The following SEMA4G variants were observed in gnomAD, a reference collection of about 807,000 sequenced individuals.
The protein encoded by SEMA4G is semaphorin-4G.
SEMA4G carries 59 observed loss-of-function variants against 81.2 expected under a neutral mutation model. The observed-to-expected ratio is 0.73, with a 90% CI of 0.59 to 0.90. The LOEUF is 0.90. SEMA4G is among the 40% of genes least tolerant of loss of function. The pLI is 0.00. For missense variants in SEMA4G, 952 were observed against 1,102.3 expected (o/e 0.86, Z 1.93); for synonymous variants, 404 against 433.9 (o/e 0.93, Z 0.86).
chr10:100,979,628 G>A (rs1453809998), intron 8 of SEMA4G, among the ~76,000 whole-genome samples: 3 of 152,056 alleles, frequency 2.0e-5, no homozygotes, highest in Non-Finnish European at 2.9e-5. Flanking sequence ...TGATCTGCTC[G>A]CCTCGGCCTC....
At chr10:100,976,620 G>A (rs1413533107) in intron 3 of SEMA4G, among the ~76,000 whole-genome samples, 2 of 152,166 alleles carry the variant, frequency 1.3e-5, no homozygotes, top group African/African-American at 4.8e-5. Context: ...CACCACACCT[G>A]GCTAGGTTTA....
exon 5 of SEMA4G, chr10:100,978,326 T>A (rs774709885): frequency 8.7e-6 from 14 of 1,613,556 alleles, no homozygotes; most frequent in Non-Finnish European, 1.0e-5. Context: ...CCAACCAGCT[T>A]CGAGGAGGGG....
chr10:100,979,228 A>G (rs767392247), exon 8 of SEMA4G: 1 of 1,614,198 alleles, frequency 6.2e-7, no homozygotes, highest in Non-Finnish European at 8.5e-7. Context: ...TGAAACCTCA[A>G]GCCGTACACA....
exon 5 of SEMA4G, chr10:100,978,355 G>A (rs1198014436): frequency 1.2e-6 from 2 of 1,613,478 alleles, no homozygotes; most frequent in Admixed American, 3.3e-5. Context: ...GTGTCCTTAT[G>A]ACCCAGCCCG....
At position 100,978,826 on chromosome 10, in the gene SEMA4G, C is replaced by T. The variant is rs755243554; in HGVS notation, c.644-23C>T. The T allele has an allele frequency of 5.0e-6, 8 of 1,610,306 alleles. No individual in the cohort carries two copies. In the South Asian group the frequency reaches 8.8e-5, roughly 18 times the overall value. ...GGAATCCCCAGCCTGTCTCAAAAGCCTCTCAAACTGCCTGACCCACAGATG... is the reference window on the plus strand; with the variant it reads ...GGAATCCCCAGCCTGTCTCAAAAGCTTCTCAAACTGCCTGACCCACAGATG... On this transcript the variant is annotated intron_variant, in intron 6 of 13. Transcript: ENST00000370250.
Position 100,972,751 on chromosome 10 carries a change from T to G in SEMA4G, c.-162T>G. 17 of 609,066 alleles carry G rather than the reference T, an allele frequency of 2.8e-5. No homozygotes were observed. Among genetic ancestry groups the G allele is most frequent in the East Asian group, 6.1e-5 (2 of 32,954 alleles). 37.7% of individuals were successfully genotyped at this position (609,066 alleles called of 1,614,324 possible). A position where few individuals can be genotyped will look rare whatever the true frequency, so the allele number is the denominator to read the frequency against. ...GTCCCCCCGATTCCAGGACCCCCCATGGCCCCATGATTCCTTGACTCCTAT... is the reference window on the plus strand; with the variant it reads ...GTCCCCCCGATTCCAGGACCCCCCAGGGCCCCATGATTCCTTGACTCCTAT... On this transcript the variant is annotated 5_prime_UTR_variant, in exon 1 of 14. An upstream start codon of the reference 5' UTR is lost. Transcript: ENST00000370250.
intron 4 of SEMA4G, 53 bp downstream of exon 5, chr10:100,977,783 T>C: frequency 6.9e-7 from 1 of 1,440,968 alleles, no homozygotes; most frequent in Non-Finnish European, 9.8e-7. Context: ...AGGGATGGGA[T>C]CATGTTCAAG....
intron 9 of SEMA4G, 22 bp from the exon 11 acceptor site, chr10:100,980,100 C>A: frequency 6.2e-7 from 1 of 1,613,682 alleles, no homozygotes; most frequent in Non-Finnish European, 8.5e-7. Flanking sequence ...CCGAGGTTCA[C>A]CACCTTCGTC....
chr10:100,978,352 T>C (rs1326652882), exon 5 of SEMA4G: 2 of 1,613,552 alleles, frequency 1.2e-6, no homozygotes, highest in Non-Finnish European at 1.7e-6. Flanking sequence ...GAAGTGTCCT[T>C]ATGACCCAGC....
chr10:100,984,537 T>C, exon 14 of SEMA4G: 2 of 1,536,188 alleles, frequency 1.3e-6, no homozygotes, highest in African/African-American at 1.4e-5. Context: ...ACCCTCTGCA[T>C]GGCCCTGTGT....
exon 6 of SEMA4G, chr10:100,978,541 A>G (rs202220509): frequency 3.7e-6 from 6 of 1,614,016 alleles, no homozygotes; most frequent in African/African-American, 1.3e-5. Flanking sequence ...AGGCCTCTAC[A>G]CAGCCACTAG....
rs541997052 is a variant in SEMA4G, at chr10:100,975,332, C to T, written c.336+1723C>T. Among the ~76,000 whole-genome samples the T allele has an allele frequency of 2.0e-5, 3 of 152,304 alleles. No individual in the cohort carries two copies. The South Asian group carries it at 6.2e-4, about 32-fold the overall frequency. ...GTTGATGCTGCTGGTCCCCAGACCACACTTTGGATAGCAAGGCTTTATAGA... is the reference window on the plus strand; with the variant it reads ...GTTGATGCTGCTGGTCCCCAGACCATACTTTGGATAGCAAGGCTTTATAGA... On this transcript the variant is annotated intron_variant, in intron 3 of 13. Coordinates refer to ENST00000370250, the Ensembl canonical transcript of SEMA4G.
intron 9 of SEMA4G, 24 bp from the exon 11 acceptor site, chr10:100,980,098 C>T (rs1033163133): frequency 1.2e-5 from 20 of 1,613,388 alleles, no homozygotes; most frequent in Non-Finnish European, 1.6e-5. Context: ...TCCCGAGGTT[C>T]ACCACCTTCG....
upstream of SEMA4G, chr10:100,969,603 G>A (rs1362151570): frequency 3.5e-6 from 1 of 289,340 alleles, no homozygotes; most frequent in East Asian, 1.1e-4. Flanking sequence ...TGAGCAAGGC[G>A]AGGAGTGCGG....
In SEMA4G at chr10:100,973,909, G is replaced by C. The variant is rs1375581805; in HGVS notation, c.336+300G>C. Among the ~76,000 whole-genome samples the C allele has an allele frequency of 6.6e-6, 1 of 151,940 alleles. No individual in the cohort carries two copies. The highest frequency in any genetic ancestry group is 2.1e-4 in the South Asian group (1 of 4,816). On this transcript the variant is annotated intron_variant, in intron 3 of 13. Transcript: ENST00000370250. This position sits in a 1 kb window ranked among gnomAD's most constrained non-coding sequence, Gnocchi z 5.5. ...TCCTTCCACTTCAGCCTCCTGAGTA[G>C]CTAGGACCACGGGCACATGCCACGC...
chr10:100,983,246 G>A (rs540686457), intron 13 of SEMA4G, 59 bp from the exon 15 acceptor site: 291 of 1,459,166 alleles, frequency 2.0e-4, no homozygotes, highest in Non-Finnish European at 2.6e-4. Context: ...AGTCTGGCTT[G>A]CCATCTCTAA....
chr10:100,979,966 G>A lies in SEMA4G; in HGVS notation c.1102G>A (p.Gly368Arg), dbSNP rs781196938. 8 of 1,614,100 alleles carry A rather than the reference G, an allele frequency of 5.0e-6. No individual in the cohort carries two copies. In the Admixed American group the frequency reaches 5.0e-5, roughly 10 times the overall value. ...CCGGCGCTGGGGTCGCTATGAGGGT[G>A]GGGTGCCTGAGCCCCGGCCTGGCTC... The change falls in exon 9 of 14, where the codon GGG (glycine) becomes AGG (arginine). Residue 368 changes from glycine to arginine, a missense_variant. Coordinates refer to ENST00000370250, the Ensembl canonical transcript of SEMA4G.
chr10:100,973,421 T>G lies in SEMA4G; in HGVS notation c.274-126T>G. ...CTTCCCAGCCCAGGTGTTCCTTGCA[T>G]TCAGTGTTCCTCCTGAAATTGATCC... On this transcript the variant is annotated intron_variant, in intron 2 of 13. Coordinates refer to ENST00000370250, the Ensembl canonical transcript of SEMA4G. This position sits in a 1 kb window ranked among gnomAD's most constrained non-coding sequence, Gnocchi z 5.5. The G allele has an allele frequency of 7.2e-7, 1 of 1,395,224 alleles. No individual in the cohort carries two copies. The highest frequency in any genetic ancestry group is 1.3e-5 in the South Asian group (1 of 78,352). 86.4% of individuals were successfully genotyped at this position (1,395,224 alleles called of 1,614,324 possible).
upstream of SEMA4G, among the ~76,000 whole-genome samples, chr10:100,971,611 G>A (rs1368552922): frequency 1.3e-5 from 2 of 152,152 alleles, no homozygotes; most frequent in African/African-American, 4.8e-5. Context: ...CCTGCCTGTG[G>A]GTGGCTGATG....
Sources: gnomAD v4.1 joint callset for allele counts (sites outside exome capture counted in the v4.1 genomes callset) on GRCh38, gnomAD v4.1.1 for gene constraint, Gnocchi (gnomAD v3.1) non-coding constraint, MANE v1.5 for transcripts, NCBI Gene and HGNC (gene_info 2026-07-23, HGNC 2026-07-21) for gene names.